The following TRIOBP variants were observed in gnomAD, a reference collection of about 807,000 sequenced individuals.
TRIOBP encodes TRIO and F-actin binding protein, also known as TRIO and F-actin-binding protein.
In TRIOBP, 169 loss-of-function variants were observed where a neutral mutation model predicts 238.8. The observed-to-expected ratio is 0.71, with a 90% CI of 0.62 to 0.80. TRIOBP has a LOEUF of 0.80. Among genes scored for constraint, TRIOBP ranks in the 30% least tolerant of loss-of-function variants. TRIOBP has a pLI of 0.00. For missense variants in TRIOBP, 2,838 were observed against 3,122.6 expected, an observed-to-expected ratio of 0.91 and a Z score of 2.17; for synonymous variants, 1,150 against 1,274.4, an observed-to-expected ratio of 0.90 and a Z score of 2.08.
intron 6 of TRIOBP, among the ~76,000 whole-genome samples, chr22:37,719,984 C>CCCATCACACTGCACTCACTGTT (rs1923736153): frequency 8.2e-6 from 1 of 121,234 alleles, no homozygotes; most frequent in Non-Finnish European, 1.7e-5. Flanking sequence ...CACTGTTTCA[C>CCCATCACACTGCACTCACTGTT]TCATCCCCCC....
chr22:37,735,728 T>G (rs1924640203), intron 9 of TRIOBP, among the ~76,000 whole-genome samples: 1 of 152,336 alleles, frequency 6.6e-6, no homozygotes, highest in South Asian at 2.1e-4. Flanking sequence ...ATACACTATT[T>G]ACAGATAAGG....
Position 37,723,190 on chromosome 22 carries a change from G to A in TRIOBP, c.634G>A (p.Gly212Ser), listed in dbSNP as rs201794404. 1,820 of 1,613,780 alleles carry A rather than the reference G, an allele frequency of 1.1e-3. 7 individuals are homozygous for A. The Middle Eastern group carries it at 0.02, about 18-fold the overall frequency. ...CCCCTCTCTTCTCTCTCCAGACACC[G>A]GCGGTGGGGGCCGGAGCGCAGGACA... The part of the protein sequence containing the change: ...DAAGQKKEDT[G>S]GGGRSAGQHW... Residue 212 changes from glycine to serine, a missense_variant, in exon 7 of 24, where the codon GGC becomes AGC. This residue lies in a region of TRIOBP where 535 missense variants were observed against 537.3 expected (regional missense o/e 1.00). Coordinates refer to ENST00000644935, the MANE Select transcript of TRIOBP (RefSeq NM_001039141.3).
intron 11 of TRIOBP, among the ~76,000 whole-genome samples, chr22:37,747,439 C>T (rs965676025): frequency 2.6e-5 from 4 of 152,020 alleles, no homozygotes; most frequent in Non-Finnish European, 5.9e-5. Flanking sequence ...GAGTGGAGAC[C>T]CTGCGGAGGA....
chr22:37,755,298 C>A, intron 14 of TRIOBP, 108 bp downstream of exon 14: 1 of 1,187,266 alleles, frequency 8.4e-7, no homozygotes, highest in Non-Finnish European at 1.2e-6. Context: ...GATCCCTTCA[C>A]TCATTTACCC....
At chr22:37,728,901 G>A (rs533412234) in intron 7 of TRIOBP, among the ~76,000 whole-genome samples, 1 of 152,222 alleles carries the variant, frequency 6.6e-6, no homozygotes, top group African/African-American at 2.4e-5. Context: ...CACCCTGAAA[G>A]TCTTCAGTGT....
intron 11 of TRIOBP, chr22:37,751,326 C>T (rs921196930): frequency 1.2e-5 from 4 of 335,784 alleles, no homozygotes; most frequent in South Asian, 4.8e-5. Flanking sequence ...ACAGGACTGG[C>T]GGGCCCATGG....
rs746031045 is a variant in TRIOBP at position 37,726,461 on chromosome 22, C to G, written c.3905C>G (p.Pro1302Arg). 27 of 1,556,264 alleles carry G rather than the reference C, an allele frequency of 1.7e-5. No individual in the cohort carries two copies. The highest frequency in any genetic ancestry group is 2.3e-5 in the Non-Finnish European group (27 of 1,156,216). Reference protein sequence around the residue: ...QCSSGGRTHSPGRAEVERLFG... With the variant: ...QCSSGGRTHSRGRAEVERLFG... ...AGCAGCGGGGGCCGCACCCACAGCCCTGGCCGTGCAGAGGTGGAGCGCCTC... is the reference window on the plus strand; with the variant it reads ...AGCAGCGGGGGCCGCACCCACAGCCGTGGCCGTGCAGAGGTGGAGCGCCTC... Residue 1302 changes from proline (P) to arginine (R), a missense_variant, in exon 7 of 24, where the codon CCT (proline) becomes CGT (arginine). By Grantham distance (103) the Pro-to-Arg change is moderately radical. This residue lies in a region of TRIOBP where 2,096 missense variants were observed against 2,137.4 expected (regional missense o/e 0.98). Transcript: ENST00000644935.
Position 37,755,073 on chromosome 22 carries a change from C to CG in TRIOBP, c.5488-26dup, listed in dbSNP as rs774878949. ...GGGGTGGGTCACACCAGGGCCCACA[C>CG]GGACCATAGTGGGCCCTCTTGCTCC... On this transcript the variant is annotated intron_variant, in intron 13 of 23. Coordinates refer to ENST00000644935, the MANE Select transcript of TRIOBP (RefSeq NM_001039141.3). The CG allele has an allele frequency of 1.9e-6, 3 of 1,611,174 alleles. No individual in the cohort carries two copies. The South Asian group carries it at 3.3e-5, about 18-fold the overall frequency.
At position 37,768,141 on chromosome 22, in the gene TRIOBP, C is replaced by G. The variant is rs569633974; in HGVS notation, c.6540C>G (p.Leu2180=). ...LSRELSKTRS[L]QQGPDGLRKQ... is the part of the protein sequence containing the mutation. ...GAGAGCTGAGCAAAACACGGAGTCTCCAGCAGGGCCCGGATGGCCTCCGGA... is the reference window on the plus strand; with the variant it reads ...GAGAGCTGAGCAAAACACGGAGTCTGCAGCAGGGCCCGGATGGCCTCCGGA... The change falls in exon 19 of 24, where the codon CTC becomes CTG. Residue 2180 remains leucine, a synonymous_variant. Transcript: ENST00000644935. 6.2e-7 allele frequency: 1 copy of G among 1,613,530 alleles called. No homozygotes were observed. The highest frequency in any genetic ancestry group is 1.1e-5 in the South Asian group (1 of 90,904).
In TRIOBP at chr22:37,769,367, G is replaced by C; in HGVS notation, c.6841G>C (p.Glu2281Gln). ...CGRSNERSSC[E>Q]LEVLLRVKEN... ...GCGCAGCAACGAGCGGAGTTCCTGC[G>C]AGCTAGAGGTGAGTGTCCTCACTAG... Residue 2281 changes from glutamate to glutamine, a missense_variant, in exon 21 of 24, where the codon GAG (glutamate) becomes CAG (glutamine). Physicochemically the swap from Glu to Gln is conservative, Grantham distance 29 (BLOSUM62 2). This residue lies in a region of TRIOBP where 2,096 missense variants were observed against 2,137.4 expected (regional missense o/e 0.98). Coordinates refer to ENST00000644935, the MANE Select transcript of TRIOBP (RefSeq NM_001039141.3). The C allele has an allele frequency of 6.2e-7, 1 of 1,604,350 alleles. No homozygotes were observed. The highest frequency in any genetic ancestry group is 8.5e-7 in the Non-Finnish European group (1 of 1,177,148).
chr22:37,755,540 G>A lies in TRIOBP; in HGVS notation c.5578-10G>A. On this transcript the variant is annotated splice_polypyrimidine_tract_variant and intron_variant, in intron 14 of 23. Coordinates refer to ENST00000644935, the MANE Select transcript of TRIOBP (RefSeq NM_001039141.3). ...CCATGTGGCAACCTACCCATGCGGT[G>A]GCCTTGCAGACCAAGGATGCTGTCT... 1.9e-6 allele frequency: 3 copies of A among 1,611,938 alleles called. No individual in the cohort carries two copies. The highest frequency in any genetic ancestry group is 2.5e-6 in the Non-Finnish European group (3 of 1,178,220).
At chr22:37,711,573 C>T (rs1209321800) in intron 4 of TRIOBP, among the ~76,000 whole-genome samples, 19 of 125,794 alleles carry the variant, frequency 1.5e-4, no homozygotes, top group Admixed American at 1.3e-3. Context: ...AGCGAGGCTC[C>T]GTCTCAAAAA....
chr22:37,747,929 AGCAGC>A (rs1007363277), intron 11 of TRIOBP, among the ~76,000 whole-genome samples: 29 of 152,320 alleles, frequency 1.9e-4, no homozygotes, highest in African/African-American at 7.0e-4. Context: ...GGCTGCCGGA[AGCAGC>A]GTGTGGGGTG....
intron 17 of TRIOBP, among the ~76,000 whole-genome samples, chr22:37,765,005 G>T (rs1038790403): frequency 6.6e-6 from 1 of 152,182 alleles, no homozygotes; most frequent in Non-Finnish European, 1.5e-5. Flanking sequence ...ATTCCAGGCC[G>T]GGCACAGTGG....
chr22:37,767,322 A>G (rs1926555228), intron 18 of TRIOBP, among the ~76,000 whole-genome samples: 1 of 151,026 alleles, frequency 6.6e-6, no homozygotes, highest in Non-Finnish European at 1.5e-5. Context: ...AAAAGAAAGA[A>G]AAAAAGGAGA....
At chr22:37,726,717 A>G in intron 7 of TRIOBP, 1 of 545,792 alleles carries the variant, frequency 1.8e-6, no homozygotes. Context: ...TGTCATGCAC[A>G]GCCCAGTGGT....
chr22:37,746,488 G>A (rs1017890554), intron 11 of TRIOBP: 2 of 1,301,012 alleles, frequency 1.5e-6, no homozygotes, highest in Non-Finnish European at 2.0e-6. Context: ...GCAGAGCCCA[G>A]CCTCTCCCCT....
intron 5 of TRIOBP, 57 bp from the exon 6 acceptor site, chr22:37,715,706 A>G (rs1923474970): frequency 8.9e-6 from 14 of 1,579,892 alleles, no homozygotes; most frequent in Non-Finnish European, 1.2e-5. Flanking sequence ...TGGAGAGTAT[A>G]TGTCCTGCAG....
intron 17 of TRIOBP, among the ~76,000 whole-genome samples, chr22:37,761,619 G>T (rs1926247185): frequency 6.6e-6 from 1 of 152,162 alleles, no homozygotes; most frequent in South Asian, 2.1e-4. Context: ...AATGTCAAGG[G>T]TCTGGAGGGA....
Sources: allele counts gnomAD v4.1 joint callset (sites outside exome capture counted in the v4.1 genomes callset), GRCh38; gene constraint gnomAD v4.1.1; regional missense constraint gnomAD v4.1.1; transcripts MANE v1.5; gene names NCBI Gene and HGNC (gene_info 2026-07-23, HGNC 2026-07-21).